The following FGF12 variants were observed in gnomAD, a reference collection of about 807,000 sequenced individuals.
FGF12 encodes the protein fibroblast growth factor 12.
A neutral mutation model predicts 23.6 loss-of-function variants in FGF12; 14 were observed. The ratio of observed to expected loss-of-function variants is 0.59; its 90% CI spans 0.39 to 0.93. FGF12 has a LOEUF of 0.93. Ranked by LOEUF, FGF12 falls within the 40% of genes least tolerant of loss-of-function variation. The pLI is 0.00. For missense variants in FGF12, 175 were observed against 217.8 expected (o/e 0.80, Z 1.24); for synonymous variants, 62 against 77.3 (o/e 0.80, Z 1.04).
At chr3:192,479,006 A>T (rs1723405564) in intron 2 of FGF12, among the ~76,000 whole-genome samples, 1 of 152,216 alleles carries the variant, frequency 6.6e-6, no homozygotes, top group South Asian at 2.1e-4. Flanking sequence ...ATATTGATCA[A>T]AATATGGAAG....
rs1721112407 is a variant in FGF12, at chr3:192,409,525, G to C, written c.14-48987C>G. Among the ~76,000 whole-genome samples, 2 of 152,224 alleles carry C rather than the reference G, an allele frequency of 1.3e-5. No homozygotes were observed. On this transcript the variant is annotated intron_variant, in intron 2 of 5. Transcript: ENST00000445105. The surrounding 1 kb of genome is among the most constrained non-coding windows in gnomAD (Gnocchi z 4.8). ...TCAGCAGCTCACAGGCAGCAGATCA[G>C]ATGGGGATTACCCGCCGGACGCAAG...
chr3:192,354,703 G>A (rs1718387325), intron 3 of FGF12, among the ~76,000 whole-genome samples: 1 of 152,026 alleles, frequency 6.6e-6, no homozygotes, highest in African/African-American at 2.4e-5. Context: ...TTGTTTGCTT[G>A]TTTGTTTGTT....
At chr3:192,674,488 T>C (rs1001402911) in intron 2 of FGF12, among the ~76,000 whole-genome samples, 4 of 152,208 alleles carry the variant, frequency 2.6e-5, no homozygotes, top group Non-Finnish European at 5.9e-5. Flanking sequence ...CCATACTCTG[T>C]AATTAAAGGA....
chr3:192,369,857 C>G (rs909419762), intron 2 of FGF12, among the ~76,000 whole-genome samples: 4 of 152,116 alleles, frequency 2.6e-5, no homozygotes, highest in Non-Finnish European at 5.9e-5. Context: ...CATAAATGAA[C>G]AAATAAAATG....
rs1194326981 is a variant in FGF12 at position 192,140,112 on chromosome 3, A to C, written c.*3897T>G. ...TGTACATTAATGTATAAAGTTTTGC[A>C]TTCAAATCTCTTTATTTTTGATTAC... On this transcript the variant is annotated 3_prime_UTR_variant, in exon 6 of 6. Coordinates refer to ENST00000445105, the MANE Select transcript of FGF12 (RefSeq NM_004113.6). 2 of 152,088 alleles carry C rather than the reference A, an allele frequency of 1.3e-5. No individual in the cohort carries two copies. The highest frequency in any genetic ancestry group is 4.8e-5 in the African/African-American group (2 of 41,446). 9.4% of individuals were successfully genotyped at this position (152,088 alleles called of 1,614,324 possible). A position where few individuals can be genotyped will look rare whatever the true frequency, so the allele number is the denominator to read the frequency against.
intron 2 of FGF12, among the ~76,000 whole-genome samples, chr3:192,506,136 G>A (rs1724287074): frequency 6.6e-6 from 1 of 152,334 alleles, no homozygotes; most frequent in South Asian, 2.1e-4. Context: ...CAGAGCCAGT[G>A]CATGGTCAAT....
chr3:192,504,019 T>C (rs188539351), intron 2 of FGF12, among the ~76,000 whole-genome samples: 90 of 151,636 alleles, frequency 5.9e-4, no homozygotes, highest in Admixed American at 1.3e-3. Flanking sequence ...TAAAAAAGAA[T>C]GAGATTACGT....
intron 2 of FGF12, among the ~76,000 whole-genome samples, chr3:192,382,613 T>C (rs1001120886): frequency 2.0e-5 from 3 of 152,320 alleles, no homozygotes; most frequent in African/African-American, 7.2e-5. Flanking sequence ...ACATGTTTTT[T>C]CCTTCCTTTG....
intron 2 of FGF12, among the ~76,000 whole-genome samples, chr3:192,502,242 A>G (rs899338672): frequency 6.6e-6 from 1 of 152,180 alleles, no homozygotes; most frequent in Non-Finnish European, 1.5e-5. Flanking sequence ...GCTTCCAACG[A>G]GGTGTTAAGT....
At position 192,484,892 on chromosome 3, in the gene FGF12, T is replaced by C. The variant is rs186449576; in HGVS notation, c.14-124354A>G. On this transcript the variant is annotated intron_variant, in intron 2 of 5. Transcript: ENST00000445105. ...AACAATGCATTTTCTAGGAGTTTCATCTCTTTATTTGTATTTTTAATTTAA... is the reference window on the plus strand; with the variant it reads ...AACAATGCATTTTCTAGGAGTTTCACCTCTTTATTTGTATTTTTAATTTAA... Among the ~76,000 whole-genome samples the C allele has an allele frequency of 3.3e-5, 5 of 152,312 alleles. No individual in the cohort carries two copies. The East Asian group carries it at 5.8e-4, about 18-fold the overall frequency.
rs570165575 is a variant in FGF12, at chr3:192,344,679, T to C, written c.125-9215A>G. On this transcript the variant is annotated intron_variant, in intron 3 of 5. Coordinates refer to ENST00000445105, the MANE Select transcript of FGF12 (RefSeq NM_004113.6). ...TCAGCATAACAAAAATGAGCAGCAT[T>C]GTGATCTCTTTATTTGATAAGGTAG... Among the ~76,000 whole-genome samples the C allele has an allele frequency of 2.3e-4, 35 of 152,288 alleles. 1 individual carries two copies. In the South Asian group the frequency reaches 5.6e-3, roughly 24 times the overall value.
intron 2 of FGF12, among the ~76,000 whole-genome samples, chr3:192,449,340 C>T (rs1286493185): frequency 6.6e-6 from 1 of 152,164 alleles, no homozygotes. Flanking sequence ...GAGGGGAATA[C>T]TCACAAATTG....
chr3:192,281,894 A>T (rs1714166606), intron 4 of FGF12, among the ~76,000 whole-genome samples: 1 of 152,144 alleles, frequency 6.6e-6, no homozygotes, highest in Non-Finnish European at 1.5e-5. Flanking sequence ...TGCAGATGCT[A>T]GTATGAAAAT....
chr3:192,569,021 G>A (rs1399314789), intron 2 of FGF12, among the ~76,000 whole-genome samples: 1 of 152,166 alleles, frequency 6.6e-6, no homozygotes, highest in African/African-American at 2.4e-5. Flanking sequence ...CAAAACAGGA[G>A]AAAACAGTAC....
At chr3:192,389,053 T>C (rs1720176609) in intron 2 of FGF12, among the ~76,000 whole-genome samples, 1 of 152,056 alleles carries the variant, frequency 6.6e-6, no homozygotes, top group Non-Finnish European at 1.5e-5. Context: ...GGCTAACCAA[T>C]GTGAAAAGAC....
At chr3:192,630,662 C>T (rs1452613080) in intron 2 of FGF12, among the ~76,000 whole-genome samples, 6 of 151,434 alleles carry the variant, frequency 4.0e-5, no homozygotes, top group African/African-American at 1.5e-4. Flanking sequence ...ACCCCATTCT[C>T]CTGCCTCAGC....
intron 2 of FGF12, among the ~76,000 whole-genome samples, chr3:192,421,656 A>T (rs1027616660): frequency 1.3e-5 from 2 of 152,114 alleles, no homozygotes; most frequent in African/African-American, 2.4e-5. Flanking sequence ...AACATCACAC[A>T]TCAGGACCTG....
intron 2 of FGF12, among the ~76,000 whole-genome samples, chr3:192,422,746 A>C (rs1215693898): frequency 6.6e-6 from 1 of 152,226 alleles, no homozygotes; most frequent in African/African-American, 2.4e-5. Context: ...CTAAGGTTAT[A>C]CAGCTGTCAA....
At chr3:192,167,761 A>ATATATC (rs1715282441) in intron 5 of FGF12, among the ~76,000 whole-genome samples, 1 of 33,464 alleles carries the variant, frequency 3.0e-5, no homozygotes, top group Non-Finnish European at 5.4e-5. Context: ...ATATATATAT[A>ATATATC]TATATATAAA....
Sources: gnomAD v4.1 joint callset for allele counts (sites outside exome capture counted in the v4.1 genomes callset) on GRCh38, gnomAD v4.1.1 for gene constraint, Gnocchi (gnomAD v3.1) non-coding constraint, MANE v1.5 for transcripts, NCBI Gene and HGNC (gene_info 2026-07-23, HGNC 2026-07-21) for gene names.